NEMP2: variants seen among roughly 807,000 people sequenced by gnomAD.
NEMP2 encodes UPF0571 transmembrane protein.
In NEMP2, 53 loss-of-function variants were observed where a neutral mutation model predicts 54.2. The observed-to-expected ratio is 0.98, with a 90% CI of 0.78 to 1.23. The LOEUF is 1.23. Ranked by LOEUF, NEMP2 falls within the 50% of genes most tolerant of loss-of-function variation. The pLI, the probability that NEMP2 is intolerant of heterozygous loss-of-function variation, is 0.00. For synonymous variants in NEMP2, 197 were observed against 190.3 expected, an observed-to-expected ratio of 1.04 and a Z score of -0.29; for missense variants, 455 against 511.3, an observed-to-expected ratio of 0.89 and a Z score of 1.06.
At chr2:190,450,716 C>T in the NEMP2 span, among the ~76,000 whole-genome samples, 5 of 152,038 alleles carry the variant, frequency 3.3e-5, no homozygotes, top group African/African-American at 1.2e-4. Context: ...TAGTCTTAAA[C>T]TCCTAAGCTC....
chr2:190,567,287 G>A, the NEMP2 span, among the ~76,000 whole-genome samples: 1 of 151,714 alleles, frequency 6.6e-6, no homozygotes, highest in East Asian at 1.9e-4. The surrounding 1 kb of genome is among the most constrained non-coding windows in gnomAD (Gnocchi z 4.0). Flanking sequence ...GAAAGGAAAG[G>A]TATGAGACTT....
the NEMP2 span, among the ~76,000 whole-genome samples, chr2:190,566,279 A>C: frequency 2.6e-5 from 4 of 152,226 alleles, no homozygotes; most frequent in Non-Finnish European, 5.9e-5. Context: ...TGTCTTTATA[A>C]ATATATGTGA....
chr2:190,537,182 G>C (rs959743940), upstream of NEMP2, among the ~76,000 whole-genome samples: 1 of 152,180 alleles, frequency 6.6e-6, no homozygotes, highest in African/African-American at 2.4e-5. Context: ...AAATGGAAAG[G>C]CTAGAAATTA....
At chr2:190,647,710 CTTTTTTTTTTTT>C in the NEMP2 span, among the ~76,000 whole-genome samples, 5 of 102,372 alleles carry the variant, frequency 4.9e-5, no homozygotes, top group East Asian at 2.9e-4. Flanking sequence ...TCTTCTTCTT[CTTTTTTTTTTTT>C]TTTTTTTTTG....
chr2:190,457,097 C>A, the NEMP2 span, among the ~76,000 whole-genome samples: 3 of 152,176 alleles, frequency 2.0e-5, no homozygotes, highest in African/African-American at 7.2e-5. This position sits in a 1 kb window ranked among gnomAD's most constrained non-coding sequence, Gnocchi z 5.1. Flanking sequence ...TGGTCCAATC[C>A]AGAGGTATTT....
At chr2:190,598,351 T>C in the NEMP2 span, among the ~76,000 whole-genome samples, 1 of 152,262 alleles carries the variant, frequency 6.6e-6, no homozygotes, top group Non-Finnish European at 1.5e-5. Flanking sequence ...TTATGGAAGT[T>C]ACTCAAAGAT....
chr2:190,436,236 A>T, the NEMP2 span: 1 of 1,614,088 alleles, frequency 6.2e-7, no homozygotes, highest in Non-Finnish European at 8.5e-7. The surrounding 1 kb of genome is among the most constrained non-coding windows in gnomAD (Gnocchi z 5.3). Context: ...ACGATCTTCT[A>T]ATTTCCAAGG....
rs1690284014 is a variant in NEMP2 at position 190,509,573 on chromosome 2, CCTT to C, written c.1131-264_1131-262del. Among the ~76,000 whole-genome samples the C allele has an allele frequency of 6.6e-6, 1 of 152,108 alleles. No homozygotes were observed. Among genetic ancestry groups the C allele is most frequent in the Non-Finnish European group, 1.5e-5 (1 of 68,026 alleles). Reference sequence around the variant, plus strand: ...ATGTACTCACTCCTGTTTTCTAATTCCTTCTTGTCTCTATTTTTTATTAGTTTG... The same window carrying C: ...ATGTACTCACTCCTGTTTTCTAATTCCTTGTCTCTATTTTTTATTAGTTTG... On this transcript the variant is annotated intron_variant, in intron 8 of 8. Transcript: ENST00000409150. The surrounding 1 kb of genome is among the most constrained non-coding windows in gnomAD (Gnocchi z 6.1).
the NEMP2 span, among the ~76,000 whole-genome samples, chr2:190,569,837 A>G: frequency 1.4e-5 from 2 of 147,924 alleles, no homozygotes; most frequent in South Asian, 2.2e-4. Flanking sequence ...GCAATAAATA[A>G]TTTACTCACA....
chr2:190,517,730 G>A (rs1400306981), intron 4 of NEMP2, 117 bp from the exon 5 acceptor site: 1 of 734,206 alleles, frequency 1.4e-6, no homozygotes, highest in Non-Finnish European at 2.3e-6. Flanking sequence ...AAACTCAGAT[G>A]GCAGCTCTCA....
chr2:190,469,366 C>T, the NEMP2 span: 1 of 153,256 alleles, frequency 6.5e-6, no homozygotes. This position sits in a 1 kb window ranked among gnomAD's most constrained non-coding sequence, Gnocchi z 5.3. Flanking sequence ...GTTACAATCC[C>T]AGGCATAGTT....
At chr2:190,618,880 C>T in the NEMP2 span, among the ~76,000 whole-genome samples, 2 of 152,252 alleles carry the variant, frequency 1.3e-5, no homozygotes, top group Non-Finnish European at 2.9e-5. Flanking sequence ...CCCGGCCTAA[C>T]TTTTTACGTA....
the NEMP2 span, among the ~76,000 whole-genome samples, chr2:190,639,255 TGGG>T: frequency 6.6e-6 from 1 of 152,162 alleles, no homozygotes; most frequent in Non-Finnish European, 1.5e-5. Context: ...TTTGGTGTGG[TGGG>T]GTATCTATGC....
At chr2:190,422,584 T>C in the NEMP2 span, among the ~76,000 whole-genome samples, 10 of 152,282 alleles carry the variant, frequency 6.6e-5, no homozygotes, top group East Asian at 1.9e-3. Flanking sequence ...CCATTCTCAT[T>C]CCTGATGCTT....
At chr2:190,542,362 C>T in the NEMP2 span, among the ~76,000 whole-genome samples, 1 of 152,176 alleles carries the variant, frequency 6.6e-6, no homozygotes, top group East Asian at 1.9e-4. The surrounding 1 kb of genome is among the most constrained non-coding windows in gnomAD (Gnocchi z 4.6). Context: ...CAGGAGTGCA[C>T]CACCACACCC....
chr2:190,422,718 C>G, the NEMP2 span, among the ~76,000 whole-genome samples: 1 of 152,108 alleles, frequency 6.6e-6, no homozygotes, highest in African/African-American at 2.4e-5. Context: ...CTAGGTGGGT[C>G]ATTTCACTCA....
At chr2:190,621,070 C>T in the NEMP2 span, among the ~76,000 whole-genome samples, 2 of 152,120 alleles carry the variant, frequency 1.3e-5, no homozygotes, top group Non-Finnish European at 2.9e-5. Flanking sequence ...AAGATCTACA[C>T]CAACAAATAC....
chr2:190,500,140 C>T, downstream of NEMP2: 1 of 1,614,150 alleles, frequency 6.2e-7, no homozygotes, highest in Non-Finnish European at 8.5e-7. This position sits in a 1 kb window ranked among gnomAD's most constrained non-coding sequence, Gnocchi z 5.3. Context: ...CGCAGACCAG[C>T]CCCGCTCACC....
the NEMP2 span, chr2:190,436,177 C>T: frequency 3.7e-6 from 6 of 1,614,040 alleles, no homozygotes; most frequent in Non-Finnish European, 5.1e-6. This position sits in a 1 kb window ranked among gnomAD's most constrained non-coding sequence, Gnocchi z 5.3. Flanking sequence ...ATCTGCTATT[C>T]CTGAGGAGGA....
Sources: gnomAD v4.1 joint callset for allele counts (sites outside exome capture counted in the v4.1 genomes callset) on GRCh38, gnomAD v4.1.1 for gene constraint, Gnocchi (gnomAD v3.1) non-coding constraint, MANE v1.5 for transcripts, NCBI Gene and HGNC (gene_info 2026-07-23, HGNC 2026-07-21) for gene names.